The following TMEM231 variants were observed in gnomAD, a reference collection of about 807,000 sequenced individuals.
TMEM231 encodes transmembrane protein 231.
TMEM231 carries 40 observed loss-of-function variants against 38.5 expected under a neutral mutation model. The ratio of observed to expected loss-of-function variants is 1.04; its 90% CI spans 0.81 to 1.35. The LOEUF (loss-of-function observed/expected upper bound fraction) is 1.35, where lower values mean the gene tolerates loss of function less well. TMEM231 is among the 40% of genes most tolerant of loss of function. TMEM231 has a pLI of 0.00. For synonymous variants in TMEM231, 199 were observed against 181.7 expected, an observed-to-expected ratio of 1.10 and a Z score of -0.77; for missense variants, 420 against 416.9, an observed-to-expected ratio of 1.01 and a Z score of -0.07.
chr16:75,553,682 T>C (rs1403093941), intron 2 of TMEM231, among the ~76,000 whole-genome samples: 2 of 151,384 alleles, frequency 1.3e-5, no homozygotes, highest in Non-Finnish European at 2.9e-5. Flanking sequence ...CTTCTCTATT[T>C]CTTTTTAATT....
At chr16:75,552,980 C>T (rs1057121037) in intron 2 of TMEM231, among the ~76,000 whole-genome samples, 5 of 152,182 alleles carry the variant, frequency 3.3e-5, no homozygotes, top group Non-Finnish European at 5.9e-5. Context: ...AGTCACTCTG[C>T]TTTTCTCTTC....
rs372775075 is a variant in TMEM231, at chr16:75,555,890, G to A, written c.223C>T (p.Pro75Ser). The change falls in exon 2 of 7, where the codon CCC becomes TCC. Residue 75 changes from proline (P) to serine (S), a missense_variant. Physicochemically the swap from Pro to Ser is moderately conservative, Grantham distance 74. Transcript: ENST00000258173. ...HQVLLVALLG[P>S]ESDGFLAWST... ...CAGGCGAGGAACCCGTCGCTTTCGG[G>A]TCCGAGCAGGGCCACGAGCAGCACC... 6.5e-5 allele frequency: 104 copies of A among 1,596,550 alleles called. No homozygotes were observed. The highest frequency in any genetic ancestry group is 8.5e-5 in the Non-Finnish European group (100 of 1,172,060).
In TMEM231 at chr16:75,540,021, T is replaced by C. The variant is rs1167308581; in HGVS notation, c.924A>G (p.Gly308=). ...AGGATAAGTGCTCCTTACACAAGTCTCCCCGGGGCGTCACTGTCACAGGAA... is the reference window on the plus strand; with the variant it reads ...AGGATAAGTGCTCCTTACACAAGTCCCCCCGGGGCGTCACTGTCACAGGAA... ...TTIPVTVTPR[G]DLCKEHLS is the part of the protein sequence containing the mutation. Residue 308 remains glycine (G), a synonymous_variant, in exon 7 of 7, where the codon GGA becomes GGG. Coordinates refer to ENST00000258173, the MANE Select transcript of TMEM231 (RefSeq NM_001077418.3). 1.9e-6 allele frequency: 3 copies of C among 1,612,808 alleles called. No individual in the cohort carries two copies. The Admixed American group carries it at 5.0e-5, about 27-fold the overall frequency.
At chr16:75,555,377 C>A (rs545755169) in intron 2 of TMEM231, 2 of 167,174 alleles carry the variant, frequency 1.2e-5, no homozygotes, top group Admixed American at 6.4e-5. Flanking sequence ...AAAAATGCTG[C>A]CCTTTCCGTT....
intron 2 of TMEM231, among the ~76,000 whole-genome samples, chr16:75,553,714 G>A (rs1373811841): frequency 2.6e-5 from 4 of 151,444 alleles, no homozygotes; most frequent in Admixed American, 6.6e-5. Flanking sequence ...TGAAATGTGG[G>A]GTCTTGCTAT....
chr16:75,537,606 C>T lies in TMEM231; in HGVS notation c.*2388G>A, dbSNP rs2151695173. ...GGTTCAAGCGATTCTCCTGCCTCAGCCTACTAAATAGTTGGGATGACAGGC... is the reference window on the plus strand; with the variant it reads ...GGTTCAAGCGATTCTCCTGCCTCAGTCTACTAAATAGTTGGGATGACAGGC... On this transcript the variant is annotated 3_prime_UTR_variant, in exon 7 of 7. Coordinates refer to ENST00000258173, the MANE Select transcript of TMEM231 (RefSeq NM_001077418.3). 6.6e-6 allele frequency: 1 copy of T among 152,154 alleles called. No homozygotes were observed. Among genetic ancestry groups the T allele is most frequent in the South Asian group, 2.1e-4 (1 of 4,830 alleles). The allele number at this position is 152,154 out of a possible 1,614,324, so 9.4% of individuals were successfully genotyped here. A position where few individuals can be genotyped will look rare whatever the true frequency, so the allele number is the denominator to read the frequency against.
In TMEM231 at chr16:75,556,063, A is replaced by AG; in HGVS notation, c.139+7dup. ...AGCCTCGTGGCACAGCGGCCGGGGC[A>AG]GGCTCACCGTGGCTCCGGAAGGCCA... On this transcript the variant is annotated splice_region_variant and intron_variant, in intron 1 of 6. Transcript: ENST00000258173. 1 of 1,566,344 alleles carries AG rather than the reference A, an allele frequency of 6.4e-7. No homozygotes were observed. The highest frequency in any genetic ancestry group is 1.4e-5 in the African/African-American group (1 of 73,706).
intron 2 of TMEM231, 63 bp downstream of exon 2, chr16:75,555,741 A>T: frequency 7.1e-7 from 1 of 1,414,664 alleles, no homozygotes; most frequent in Non-Finnish European, 9.3e-7. Context: ...CCACATCCTC[A>T]TTCCAGTCCC....
chr16:75,556,189 G>C lies in TMEM231; in HGVS notation c.21C>G (p.Phe7Leu). 2.6e-6 allele frequency: 4 copies of C among 1,509,780 alleles called. No homozygotes were observed. The South Asian group carries it at 5.2e-5, about 20-fold the overall frequency. 93.5% of individuals were successfully genotyped at this position (1,509,780 alleles called of 1,614,324 possible). MALYEL[F>L]SHPVERSYRA... ...GGTAACTGCGCTCGACCGGGTGAGAGAAGAGCTCATAGAGCGCCATGAGCA... is the reference window on the plus strand; with the variant it reads ...GGTAACTGCGCTCGACCGGGTGAGACAAGAGCTCATAGAGCGCCATGAGCA... Residue 7 changes from phenylalanine (F) to leucine (L), a missense_variant, in exon 1 of 7, where the codon TTC (phenylalanine) becomes TTG (leucine). By Grantham distance (22) the Phe-to-Leu change is conservative. Coordinates refer to ENST00000258173, the MANE Select transcript of TMEM231 (RefSeq NM_001077418.3).
intron 2 of TMEM231, chr16:75,555,552 CTG>C (rs2080800212): frequency 8.7e-6 from 4 of 459,876 alleles, no homozygotes; most frequent in African/African-American, 4.1e-5. Flanking sequence ...CTTCTGGACT[CTG>C]TGTCAGGGCG....
chr16:75,542,466 A>G (rs2080637922), intron 5 of TMEM231, 136 bp downstream of exon 5: 3 of 823,036 alleles, frequency 3.6e-6, no homozygotes, highest in Admixed American at 2.0e-5. Context: ...CCTGGACAGC[A>G]TATTTGCTCC....
intron 3 of TMEM231, 83 bp downstream of exon 3, chr16:75,545,743 G>C: frequency 1.6e-6 from 1 of 640,814 alleles, no homozygotes; most frequent in Non-Finnish European, 2.4e-6. Flanking sequence ...GCTAGAGTGC[G>C]GGTCTTCTAG....
chr16:75,544,125 C>T (rs2080656270), intron 4 of TMEM231, among the ~76,000 whole-genome samples: 1 of 152,226 alleles, frequency 6.6e-6, no homozygotes, highest in Non-Finnish European at 1.5e-5. Flanking sequence ...ATTATTTAAA[C>T]AAGTATCTCT....
At chr16:75,548,481 G>T (rs962687309) in intron 2 of TMEM231, among the ~76,000 whole-genome samples, 2 of 152,184 alleles carry the variant, frequency 1.3e-5, no homozygotes, top group African/African-American at 4.8e-5. Context: ...ATCCTAATGG[G>T]GCATACATTC....
At position 75,556,216 on chromosome 16, in the gene TMEM231, C is replaced by T. The variant is rs1394529701; in HGVS notation, c.-7G>A. ...AGAGCTCATAGAGCGCCATGAGCACCGCTCGCAGGCACTCCGCGAGCCGGG... is the reference window on the plus strand; with the variant it reads ...AGAGCTCATAGAGCGCCATGAGCACTGCTCGCAGGCACTCCGCGAGCCGGG... On this transcript the variant is annotated 5_prime_UTR_variant, in exon 1 of 7. Coordinates refer to ENST00000258173, the MANE Select transcript of TMEM231 (RefSeq NM_001077418.3). 6.4e-6 allele frequency: 9 copies of T among 1,403,376 alleles called. No individual in the cohort carries two copies. Among genetic ancestry groups the T allele is most frequent in the East Asian group, 5.8e-5 (2 of 34,688 alleles). The allele number at this position is 1,403,376 out of a possible 1,614,324, so 86.9% of individuals were successfully genotyped here.
At chr16:75,543,597 A>G (rs2080651222) in intron 4 of TMEM231, among the ~76,000 whole-genome samples, 1 of 151,446 alleles carries the variant, frequency 6.6e-6, no homozygotes, top group Non-Finnish European at 1.5e-5. Flanking sequence ...ACAAATAAAA[A>G]CCCCTACACA....
At chr16:75,550,059 G>A (rs745471938) in intron 2 of TMEM231, among the ~76,000 whole-genome samples, 6 of 152,204 alleles carry the variant, frequency 3.9e-5, no homozygotes, top group African/African-American at 4.8e-5. Context: ...TTAGAGGACT[G>A]AAGACGTAAA....
chr16:75,546,918 C>A (rs958084969), intron 2 of TMEM231, among the ~76,000 whole-genome samples: 1 of 152,218 alleles, frequency 6.6e-6, no homozygotes, highest in Admixed American at 6.5e-5. Flanking sequence ...AAAACCATAT[C>A]TATTTGATAA....
intron 4 of TMEM231, among the ~76,000 whole-genome samples, chr16:75,543,505 G>C (rs1431417637): frequency 1.3e-5 from 2 of 152,122 alleles, no homozygotes; most frequent in African/African-American, 4.8e-5. Context: ...GGGAGACAGA[G>C]GTTGCAGTGA....
Sources: allele counts gnomAD v4.1 joint callset (sites outside exome capture counted in the v4.1 genomes callset), GRCh38; gene constraint gnomAD v4.1.1; transcripts MANE v1.5; gene names NCBI Gene and HGNC (gene_info 2026-07-23, HGNC 2026-07-21).